The following MYO5B variants were observed in gnomAD, a reference collection of about 807,000 sequenced individuals.
MYO5B encodes the protein unconventional myosin-Vb.
A neutral mutation model predicts 229.3 loss-of-function variants in MYO5B; 143 were observed. The ratio of observed to expected loss-of-function variants is 0.62; its 90% CI spans 0.54 to 0.72. The LOEUF is 0.72. Ranked by LOEUF, MYO5B falls within the 30% of genes least tolerant of loss-of-function variation. MYO5B has a pLI of 0.00. For synonymous variants in MYO5B, 918 were observed against 885.2 expected (o/e 1.04, Z -0.66); for missense variants, 2,321 against 2,331.0 (o/e 1.00, Z 0.09).
At position 49,944,329 on chromosome 18, in the gene MYO5B, A is replaced by G. The variant is rs188886515; in HGVS notation, c.1753-6932T>C. 2.5e-4 allele frequency among the ~76,000 whole-genome samples: 38 copies of G among 152,262 alleles called. 1 individual carries two copies. Among genetic ancestry groups the G allele is most frequent in the Admixed American group, 7.2e-4 (11 of 15,306 alleles). ...CAGAGTCCAAGCAACAATGCACCAC[A>G]GAGAACGGCAATGACTAGAACCAGC... On this transcript the variant is annotated intron_variant, in intron 14 of 39. Transcript: ENST00000285039.
At chr18:49,869,006 C>G (rs2024428404) in intron 27 of MYO5B, among the ~76,000 whole-genome samples, 2 of 152,216 alleles carry the variant, frequency 1.3e-5, no homozygotes, top group South Asian at 4.1e-4. Flanking sequence ...AGAGTAGCCT[C>G]ATCTTGTGCA....
chr18:49,916,827 G>T (rs1320032408), intron 17 of MYO5B, among the ~76,000 whole-genome samples: 1 of 152,226 alleles, frequency 6.6e-6, no homozygotes, highest in Non-Finnish European at 1.5e-5. Flanking sequence ...GTGGATTTCT[G>T]TGAGAAAACA....
chr18:49,940,950 C>T (rs1351247441), intron 14 of MYO5B, among the ~76,000 whole-genome samples: 2 of 152,150 alleles, frequency 1.3e-5, no homozygotes, highest in Non-Finnish European at 2.9e-5. Flanking sequence ...TTCCTCTTAC[C>T]TCATTCTTAG....
intron 12 of MYO5B, among the ~76,000 whole-genome samples, chr18:49,959,006 C>A (rs1396358195): frequency 1.3e-5 from 2 of 152,200 alleles, no homozygotes; most frequent in Non-Finnish European, 2.9e-5. Context: ...AGTGCCTGCT[C>A]AGGGTGGACA....
At chr18:49,883,742 G>T (rs1041486410) in intron 22 of MYO5B, among the ~76,000 whole-genome samples, 1 of 152,168 alleles carries the variant, frequency 6.6e-6, no homozygotes, top group East Asian at 1.9e-4. Flanking sequence ...AGAAGATAAA[G>T]TAATACAGAC....
intron 36 of MYO5B, among the ~76,000 whole-genome samples, chr18:49,838,544 T>G (rs140416216): frequency 5.3e-5 from 8 of 152,324 alleles, no homozygotes; most frequent in African/African-American, 1.9e-4. Flanking sequence ...CTACTTGTGT[T>G]GTAAGAACCT....
rs375607518 is a variant in MYO5B at position 49,872,149 on chromosome 18, G to C, written c.3603+18C>G. The C allele has an allele frequency of 6.2e-7, 1 of 1,613,030 alleles. No homozygotes were observed. The highest frequency in any genetic ancestry group is 8.5e-7 in the Non-Finnish European group (1 of 1,179,240). On this transcript the variant is annotated intron_variant, in intron 27 of 39. Transcript: ENST00000285039. ...GCCAGGGGAGTGTTCCAGGAAGCCT[G>C]TCCCCCAAGAATCTTACCTTCAGAC...
At chr18:49,881,619 GGT>G (rs1418239159) in intron 22 of MYO5B, among the ~76,000 whole-genome samples, 1 of 151,960 alleles carries the variant, frequency 6.6e-6, no homozygotes, top group Non-Finnish European at 1.5e-5. Flanking sequence ...TGGCTAACAC[GGT>G]GAAATCCCAT....
rs140565204 is a variant in MYO5B, at chr18:49,873,704, C to T, written c.3538-1472G>A. On this transcript the variant is annotated intron_variant, in intron 26 of 39. Transcript: ENST00000285039. ...TCTCAGAAAGTGGAGGTCACCTACT[C>T]AGACTCAAGGGGCTCTATTAAGATG... is the stretch of plus-strand genomic sequence containing the variant. 4.5e-3 allele frequency among the ~76,000 whole-genome samples: 687 copies of T among 152,312 alleles called. 3 individuals are homozygous for T. The highest frequency in any genetic ancestry group is 6.2e-3 in the Non-Finnish European group (425 of 68,024).
chr18:49,953,894 ATGTG>A (rs71169463), intron 13 of MYO5B, among the ~76,000 whole-genome samples: 2,735 of 108,472 alleles, frequency 0.025, 81 homozygotes, highest in African/African-American at 0.051. Flanking sequence ...ATATACATAT[ATGTG>A]TGTGTGTGTG....
intron 22 of MYO5B, among the ~76,000 whole-genome samples, chr18:49,891,390 G>A (rs4939605): frequency 0.18 from 27,846 of 151,962 alleles, 2,766 homozygotes; most frequent in East Asian, 0.42. Context: ...GGTAATTCAC[G>A]TTAGATTCCT....
chr18:49,943,698 A>C (rs1428500027), intron 14 of MYO5B, among the ~76,000 whole-genome samples: 3 of 152,218 alleles, frequency 2.0e-5, no homozygotes, highest in Non-Finnish European at 4.4e-5. Context: ...GGTAAAACAA[A>C]AGTGTTATAG....
At chr18:50,000,608 T>G (rs141681566) in intron 5 of MYO5B, among the ~76,000 whole-genome samples, 1 of 152,318 alleles carries the variant, frequency 6.6e-6, no homozygotes, top group African/African-American at 2.4e-5. Flanking sequence ...GATCTAGTTT[T>G]TAGCAAACTT....
intron 9 of MYO5B, among the ~76,000 whole-genome samples, chr18:49,978,863 TCTGTCAC>T (rs1174207735): frequency 6.6e-6 from 1 of 151,980 alleles, no homozygotes; most frequent in Admixed American, 6.6e-5. Flanking sequence ...ACAGAGCACA[TCTGTCAC>T]CTTTCCTGCC....
At chr18:50,001,473 ACT>A in intron 4 of MYO5B, 62 bp from the exon 5 acceptor site, 1 of 1,585,754 alleles carries the variant, frequency 6.3e-7, no homozygotes, top group Non-Finnish European at 8.6e-7. Context: ...CCGTCCAGGG[ACT>A]CTGTCTGACA....
At chr18:49,940,728 C>T (rs1242261927) in intron 14 of MYO5B, among the ~76,000 whole-genome samples, 1 of 152,134 alleles carries the variant, frequency 6.6e-6, no homozygotes, top group African/African-American at 2.4e-5. Flanking sequence ...GTATGAATTC[C>T]ACGGATCCAA....
chr18:50,086,912 A>G (rs2031342847), intron 1 of MYO5B, among the ~76,000 whole-genome samples: 3 of 152,192 alleles, frequency 2.0e-5, no homozygotes, highest in Admixed American at 2.0e-4. Context: ...TGGTCTGTAT[A>G]CAGCAACATA....
At chr18:50,130,879 C>T (rs2032244630) in intron 1 of MYO5B, among the ~76,000 whole-genome samples, 1 of 152,176 alleles carries the variant, frequency 6.6e-6, no homozygotes, top group Non-Finnish European at 1.5e-5. Flanking sequence ...AAGGTAGTTT[C>T]CCTTTTGGCT....
intron 38 of MYO5B, among the ~76,000 whole-genome samples, chr18:49,835,914 C>T (rs998036181): frequency 2.6e-5 from 4 of 152,052 alleles, no homozygotes; most frequent in Non-Finnish European, 5.9e-5. Flanking sequence ...AGTAGACTGC[C>T]CAAATGCAAT....
Sources: allele counts gnomAD v4.1 joint callset (sites outside exome capture counted in the v4.1 genomes callset), GRCh38; gene constraint gnomAD v4.1.1; transcripts MANE v1.5; gene names NCBI Gene and HGNC (gene_info 2026-07-23, HGNC 2026-07-21).